The following CRY1 variants were observed in gnomAD, a reference collection of about 807,000 sequenced individuals.
CRY1 encodes the protein cryptochrome circadian regulator 1.
A neutral mutation model predicts 76.0 loss-of-function variants in CRY1; 45 were observed. The observed-to-expected ratio is 0.59, with a 90% CI of 0.47 to 0.76. The LOEUF is 0.76. Ranked by LOEUF, CRY1 falls within the 30% of genes least tolerant of loss-of-function variation. The pLI is 0.00. For synonymous variants in CRY1, 248 were observed against 244.0 expected (o/e 1.02, Z -0.15); for missense variants, 587 against 716.4 (o/e 0.82, Z 2.06).
At chr12:107,008,500 GCTAATAATCCACA>G (rs1309257428) in intron 2 of CRY1, among the ~76,000 whole-genome samples, 1 of 152,188 alleles carries the variant, frequency 6.6e-6, no homozygotes, top group Non-Finnish European at 1.5e-5. Context: ...GAGGTGGTAA[GCTAATAATCCACA>G]CTCTGTCTTC....
intron 1 of CRY1, among the ~76,000 whole-genome samples, chr12:107,068,442 T>A (rs1953138896): frequency 6.6e-6 from 1 of 152,050 alleles, no homozygotes; most frequent in South Asian, 2.1e-4. Flanking sequence ...ACTACAGGTA[T>A]GTGCCACCAT....
chr12:107,050,093 A>G (rs1032296913), intron 1 of CRY1: 2 of 152,228 alleles, frequency 1.3e-5, no homozygotes, highest in African/African-American at 4.8e-5. Context: ...GGGAGACACA[A>G]GGGGAAAGTA....
chr12:107,012,882 T>C (rs527986049), intron 2 of CRY1, among the ~76,000 whole-genome samples: 5 of 152,114 alleles, frequency 3.3e-5, no homozygotes, highest in African/African-American at 9.7e-5. Flanking sequence ...GAAATAGCAA[T>C]AGAATTAAAA....
At chr12:107,015,985 T>C (rs1566248452) in intron 2 of CRY1, among the ~76,000 whole-genome samples, 1 of 152,212 alleles carries the variant, frequency 6.6e-6, no homozygotes, top group African/African-American at 2.4e-5. Flanking sequence ...TACTTGTTAA[T>C]CAGAAAGGAT....
At chr12:107,073,349 T>G (rs1041028214) in intron 1 of CRY1, among the ~76,000 whole-genome samples, 2 of 151,992 alleles carry the variant, frequency 1.3e-5, no homozygotes, top group Admixed American at 6.6e-5. Context: ...TCCTCTTGCC[T>G]CAGCCTCCTG....
At chr12:107,054,706 C>T (rs1326494394) in intron 1 of CRY1, among the ~76,000 whole-genome samples, 1 of 148,282 alleles carries the variant, frequency 6.7e-6, no homozygotes, top group African/African-American at 2.5e-5. Flanking sequence ...AAGAAAGCTG[C>T]CATAGCTATA....
chr12:107,070,831 G>A (rs546851007), intron 1 of CRY1, among the ~76,000 whole-genome samples: 6 of 150,726 alleles, frequency 4.0e-5, no homozygotes, highest in African/African-American at 1.5e-4. Context: ...CTCCTGAGTA[G>A]CTGGGACTAC....
chr12:107,030,358 A>C (rs1286685176), intron 1 of CRY1, among the ~76,000 whole-genome samples: 19 of 152,216 alleles, frequency 1.2e-4, no homozygotes, highest in Admixed American at 1.2e-3. Flanking sequence ...ATGAAGCAGA[A>C]AATTTAATCT....
chr12:106,999,170 A>G lies in CRY1; in HGVS notation c.1137+381T>C, dbSNP rs780571822. Among the ~76,000 whole-genome samples the G allele has an allele frequency of 1.7e-4, 26 of 152,120 alleles. 1 individual carries two copies. Among genetic ancestry groups the G allele is most frequent in the Non-Finnish European group, 8.8e-5 (6 of 68,016 alleles). On this transcript the variant is annotated intron_variant, in intron 7 of 12. Coordinates refer to ENST00000008527, the MANE Select transcript of CRY1 (RefSeq NM_004075.5). ...ACTAAAAAGCTGAGAAGTGAGGTGA[A>G]ATGATTTATATTTTAAAATTTATAA...
At chr12:106,995,088 G>A (rs1032509202) in intron 10 of CRY1, among the ~76,000 whole-genome samples, 3 of 152,178 alleles carry the variant, frequency 2.0e-5, no homozygotes, top group Non-Finnish European at 4.4e-5. Flanking sequence ...AGTCAGACTT[G>A]GATCTGAATC....
intron 1 of CRY1, among the ~76,000 whole-genome samples, chr12:107,056,951 TAA>T (rs1208070342): frequency 2.0e-5 from 3 of 152,150 alleles, no homozygotes; most frequent in South Asian, 2.1e-4. Flanking sequence ...TGATAAAAGA[TAA>T]AAGAGTTTGT....
chr12:107,006,601 G>C (rs1047795955), intron 2 of CRY1, among the ~76,000 whole-genome samples: 2 of 148,844 alleles, frequency 1.3e-5, no homozygotes, highest in Non-Finnish European at 1.5e-5. Context: ...CCTAAGGCTT[G>C]ATCTCCACAC....
At chr12:107,046,468 GAGAA>G (rs1241781429) in intron 1 of CRY1, among the ~76,000 whole-genome samples, 11 of 152,172 alleles carry the variant, frequency 7.2e-5, no homozygotes, top group African/African-American at 2.4e-4. Context: ...AACAATAAGA[GAGAA>G]AGAAAGAAAC....
chr12:107,025,709 C>A (rs1262953447), intron 1 of CRY1, among the ~76,000 whole-genome samples: 1 of 152,080 alleles, frequency 6.6e-6, no homozygotes, highest in Non-Finnish European at 1.5e-5. Context: ...TCTCTCCATT[C>A]TAATTCATTT....
intron 1 of CRY1, among the ~76,000 whole-genome samples, chr12:107,022,594 GA>G (rs1169744544): frequency 6.6e-6 from 1 of 150,814 alleles, no homozygotes; most frequent in Non-Finnish European, 1.5e-5. Context: ...CTGCTGGGGG[GA>G]AAAAACCAGA....
At chr12:107,053,418 G>A (rs1459380573) in intron 1 of CRY1, among the ~76,000 whole-genome samples, 2 of 152,120 alleles carry the variant, frequency 1.3e-5, no homozygotes, top group Non-Finnish European at 2.9e-5. Context: ...CCGGGTTCAA[G>A]CAATTCTCCT....
chr12:107,038,930 C>T (rs1477199508), intron 1 of CRY1, among the ~76,000 whole-genome samples: 1 of 152,172 alleles, frequency 6.6e-6, no homozygotes, highest in Non-Finnish European at 1.5e-5. Flanking sequence ...TTCCATCCCT[C>T]CCAGCTGCTG....
Position 107,001,368 on chromosome 12 carries a change from C to T in CRY1, c.596G>A (p.Gly199Asp). Reference protein sequence around the residue: ...KYGVPSLEELGFDTDGLSSAV... With the variant: ...KYGVPSLEELDFDTDGLSSAV... ...AGAGGATAAGCCATCTGTATCAAAA[C>T]CTACAAGAAAGAAAAGAAAAAAACA... The change falls in exon 5 of 13, where the codon GGT becomes GAT. Residue 199 changes from glycine (G) to aspartate (D), a missense_variant and splice_region_variant. Transcript: ENST00000008527. The T allele has an allele frequency of 6.2e-7, 1 of 1,601,978 alleles. No homozygotes were observed. The highest frequency in any genetic ancestry group is 8.5e-7 in the Non-Finnish European group (1 of 1,176,538).
intron 1 of CRY1, among the ~76,000 whole-genome samples, chr12:107,088,144 T>C (rs1026333354): frequency 6.6e-6 from 1 of 152,236 alleles, no homozygotes; most frequent in African/African-American, 2.4e-5. Context: ...CATGTTAAAA[T>C]GTTATCCCCA....
Sources: allele counts gnomAD v4.1 joint callset (sites outside exome capture counted in the v4.1 genomes callset), GRCh38; gene constraint gnomAD v4.1.1; transcripts MANE v1.5; gene names NCBI Gene and HGNC (gene_info 2026-07-23, HGNC 2026-07-21).